Variants in RNF212B observed in about 807,000 individuals in gnomAD.
The protein encoded by RNF212B is ring finger protein 212B.
In RNF212B, 52 loss-of-function variants were observed where a neutral mutation model predicts 55.5. The observed-to-expected ratio is 0.94, with a 90% confidence interval of 0.75 to 1.18. RNF212B has a LOEUF of 1.18. RNF212B is among the 50% of genes most tolerant of loss of function. The probability of loss-of-function intolerance (pLI) is 0.00; values close to 1 mark genes in which losing one functional copy is unlikely to be tolerated. For synonymous variants in RNF212B, 99 were observed against 121.4 expected, an observed-to-expected ratio of 0.82 and a Z score of 1.21; for missense variants, 289 against 350.4, an observed-to-expected ratio of 0.82 and a Z score of 1.40.
At chr14:23,260,548 CAACCATG>C (rs1885217330) in intron 6 of RNF212B, 104 bp from the exon 7 acceptor site, 1 of 961,452 alleles carries the variant, frequency 1.0e-6, no homozygotes. Flanking sequence ...GGAGTCTTAG[CAACCATG>C]ACTAAGGGGC....
chr14:23,258,767 T>A, intron 5 of RNF212B, 103 bp downstream of exon 5: 1 of 480,874 alleles, frequency 2.1e-6, no homozygotes, highest in Non-Finnish European at 3.5e-6. Context: ...GCTCCATATG[T>A]ATTTGTTTGT....
At chr14:23,201,887 A>G (rs543373519) in intron 2 of RNF212B, among the ~76,000 whole-genome samples, 1 of 152,282 alleles carries the variant, frequency 6.6e-6, no homozygotes, top group South Asian at 2.1e-4. Flanking sequence ...TTTGTAAGCA[A>G]TCTATAAAGT....
intron 4 of RNF212B, among the ~76,000 whole-genome samples, chr14:23,245,922 T>C (rs1883943213): frequency 6.6e-6 from 1 of 152,138 alleles, no homozygotes; most frequent in Admixed American, 6.5e-5. Context: ...ACGTTGTCAT[T>C]GAATGAATGA....
chr14:23,210,132 A>C (rs1184005214), intron 2 of RNF212B, among the ~76,000 whole-genome samples: 1 of 152,220 alleles, frequency 6.6e-6, no homozygotes, highest in Non-Finnish European at 1.5e-5. Context: ...CCTGGGCAAT[A>C]GAGTGAGACT....
At position 23,229,220 on chromosome 14, in the gene RNF212B, TTATATATATATATATATATATA is replaced by T. The variant is rs61656270; in HGVS notation, c.-1-11104_-1-11083del. 8.1e-3 allele frequency among the ~76,000 whole-genome samples: 530 copies of T among 65,056 alleles called. 13 individuals are homozygous for T. Among genetic ancestry groups the T allele is most frequent in the African/African-American group, 0.021 (421 of 19,948 alleles). 42.7% of individuals were successfully genotyped at this position (65,056 alleles called of 152,430 possible). On this transcript the variant is annotated intron_variant, in intron 2 of 15. Coordinates refer to the RNF212B transcript ENST00000399910. ...ATTTCCTTTATGGCTGAATAATATT[TTATATATATATATATATATATA>T]TATATATATATATATATATACCACA...
chr14:23,196,235 C>G (rs1241960371), intron 2 of RNF212B, among the ~76,000 whole-genome samples: 1 of 152,144 alleles, frequency 6.6e-6, no homozygotes, highest in Non-Finnish European at 1.5e-5. Flanking sequence ...ATTGTAACTA[C>G]CAATCCTCTG....
chr14:23,209,624 G>T (rs8005697), intron 2 of RNF212B, among the ~76,000 whole-genome samples: 1 of 152,198 alleles, frequency 6.6e-6, no homozygotes, highest in South Asian at 2.1e-4. Context: ...AATATATGTA[G>T]ATACTTTTTC....
At position 23,232,176 on chromosome 14, in the gene RNF212B, G is replaced by A. The variant is rs552557380; in HGVS notation, c.-1-8169G>A. On this transcript the variant is annotated intron_variant, in intron 2 of 15. Coordinates refer to the RNF212B transcript ENST00000399910. ...AAGTGAGGAGGGCCTCTTCCCCGCC[G>A]CCATCCCGTCTAAGAAGTGAGGAGC... Among the ~76,000 whole-genome samples the A allele has an allele frequency of 2.1e-3, 312 of 151,952 alleles. 1 individual carries two copies. The highest frequency in any genetic ancestry group is 7.2e-3 in the African/African-American group (300 of 41,438).
intron 2 of RNF212B, among the ~76,000 whole-genome samples, chr14:23,210,706 G>C (rs76045372): frequency 7.1e-6 from 1 of 141,468 alleles, no homozygotes; most frequent in African/African-American, 2.7e-5. Context: ...GAGCCCAGGA[G>C]GTGGAGGTTG....
intron 1 of RNF212B, among the ~76,000 whole-genome samples, chr14:23,186,507 G>C (rs574109391): frequency 6.6e-6 from 1 of 152,102 alleles, no homozygotes; most frequent in South Asian, 2.1e-4. Flanking sequence ...CTGCCACCAT[G>C]CCTGGCTAAT....
chr14:23,220,707 C>T (rs558683398), intron 2 of RNF212B, among the ~76,000 whole-genome samples: 13 of 150,852 alleles, frequency 8.6e-5, no homozygotes, highest in Middle Eastern at 3.5e-3. Context: ...CACCTGTAGT[C>T]CCAGCTACTC....
chr14:23,216,598 G>A (rs552492003), intron 2 of RNF212B, among the ~76,000 whole-genome samples: 1 of 150,920 alleles, frequency 6.6e-6, no homozygotes, highest in Admixed American at 6.6e-5. Flanking sequence ...AGGCCAATCT[G>A]GCTGGGTGTG....
chr14:23,230,737 T>G (rs1882550002), intron 2 of RNF212B, among the ~76,000 whole-genome samples: 1 of 150,952 alleles, frequency 6.6e-6, no homozygotes, highest in Non-Finnish European at 1.5e-5. Flanking sequence ...CTTCTAAGAG[T>G]TTTAGAGTTT....
In RNF212B at chr14:23,243,318, T is replaced by A. The variant is rs747163604; in HGVS notation, c.153+10T>A. The A allele has an allele frequency of 3.2e-6, 5 of 1,548,602 alleles. No homozygotes were observed. The highest frequency in any genetic ancestry group is 4.4e-6 in the Non-Finnish European group (5 of 1,145,452). On this transcript the variant is annotated intron_variant, in intron 3 of 14. Transcript: ENST00000430154. ...GGCTCTTTCTGATAATGTAAGTTTT[T>A]CTCCCCCTGCCACAAACTGTCTCAT...
At chr14:23,261,945 G>A (rs571017406) in intron 7 of RNF212B, among the ~76,000 whole-genome samples, 2 of 151,694 alleles carry the variant, frequency 1.3e-5, no homozygotes, top group African/African-American at 4.8e-5. Flanking sequence ...TCCAGCCTGG[G>A]TGACAGAGTG....
chr14:23,218,743 G>A (rs558333595), intron 2 of RNF212B, among the ~76,000 whole-genome samples: 2 of 152,292 alleles, frequency 1.3e-5, no homozygotes, highest in South Asian at 4.1e-4. Context: ...TTAAAGAGGA[G>A]GTAGAGAAAG....
At position 23,260,690 on chromosome 14, in the gene RNF212B, C is replaced by G; in HGVS notation, c.434+3C>G. 4 of 1,550,390 alleles carry G rather than the reference C, an allele frequency of 2.6e-6. No homozygotes were observed. The highest frequency in any genetic ancestry group is 1.7e-6 in the Non-Finnish European group (2 of 1,146,874). ...CCAAGTCGGTACCAAGGAAGCAGGT[C>G]AGTTTTATCAGCTCCCATACTAGCC... is the stretch of plus-strand genomic sequence containing the variant. On this transcript the variant is annotated splice_donor_region_variant and intron_variant, in intron 7 of 14. Transcript: ENST00000430154.
At chr14:23,235,165 T>TG (rs1883010991), upstream of RNF212B, among the ~76,000 whole-genome samples, 1 of 151,412 alleles carries the variant, frequency 6.6e-6, no homozygotes, top group South Asian at 2.1e-4. Context: ...TGAGCTGAGA[T>TG]GGTGCCACTG....
intron 2 of RNF212B, among the ~76,000 whole-genome samples, chr14:23,229,222 A>ATATATG (rs1882317765): frequency 3.1e-5 from 1 of 32,580 alleles, no homozygotes; most frequent in South Asian, 5.8e-4. Flanking sequence ...ATAATATTTT[A>ATATATG]TATATATATA....
Sources: allele counts gnomAD v4.1 joint callset (sites outside exome capture counted in the v4.1 genomes callset), GRCh38; gene constraint gnomAD v4.1.1; transcripts MANE v1.5; gene names NCBI Gene and HGNC (gene_info 2026-07-23, HGNC 2026-07-21).